Variants in SYNPR observed in about 807,000 individuals in gnomAD.
SYNPR encodes synaptoporin.
SYNPR carries 23 observed loss-of-function variants against 32.9 expected under a neutral mutation model. The ratio of observed to expected loss-of-function variants is 0.70; its 90% CI spans 0.50 to 0.99. SYNPR has a LOEUF of 0.99. SYNPR is among the 50% of genes least tolerant of loss of function. SYNPR has a pLI of 0.00. For missense variants in SYNPR, 318 were observed against 349.3 expected (o/e 0.91, Z 0.71); for synonymous variants, 146 against 135.9 (o/e 1.07, Z -0.52).
intron 2 of SYNPR, among the ~76,000 whole-genome samples, chr3:63,308,161 T>C (rs1031259542): frequency 2.0e-5 from 3 of 152,064 alleles, no homozygotes; most frequent in Non-Finnish European, 2.9e-5. Context: ...TATTTTTTGT[T>C]TGTTTGCTTT....
rs113036701 is a variant in SYNPR, at chr3:63,373,625, T to C, written c.84+94883T>C. On this transcript the variant is annotated intron_variant, in intron 2 of 5. Coordinates refer to ENST00000478300, the MANE Select transcript of SYNPR (RefSeq NM_001130003.2). ...GACTCATTGGTAACGTTGAAAGTGA[T>C]GGGAAGAAAGCAGGCAACTTGGAAA... Among the ~76,000 whole-genome samples the C allele has an allele frequency of 7.7e-3, 1,176 of 152,228 alleles. 17 individuals are homozygous for C. Among genetic ancestry groups the C allele is most frequent in the African/African-American group, 0.025 (1,052 of 41,542 alleles).
At chr3:63,211,176 C>A in the SYNPR span, among the ~76,000 whole-genome samples, 16 of 152,190 alleles carry the variant, frequency 1.1e-4, no homozygotes, top group Non-Finnish European at 1.9e-4. Flanking sequence ...TCAAGCAGTT[C>A]CCTGCCTCAG....
At chr3:63,418,395 G>A (rs1224017618) in intron 2 of SYNPR, among the ~76,000 whole-genome samples, 2 of 152,098 alleles carry the variant, frequency 1.3e-5, no homozygotes, top group African/African-American at 2.4e-5. Context: ...ACATTTTCCT[G>A]TGTTCTTCTG....
At chr3:63,424,202 G>C (rs1699853909) in intron 2 of SYNPR, among the ~76,000 whole-genome samples, 1 of 152,130 alleles carries the variant, frequency 6.6e-6, no homozygotes, top group Admixed American at 6.6e-5. Flanking sequence ...TGGGTGCAAG[G>C]TATATGGAAA....
intron 2 of SYNPR, among the ~76,000 whole-genome samples, chr3:63,354,819 A>G (rs574946978): frequency 6.6e-6 from 1 of 152,336 alleles, no homozygotes; most frequent in Non-Finnish European, 1.5e-5. Context: ...AGCCTGCTTT[A>G]TGAGCTACTG....
intron 2 of SYNPR, among the ~76,000 whole-genome samples, chr3:63,380,422 A>G (rs2087951327): frequency 6.6e-6 from 1 of 152,066 alleles, no homozygotes; most frequent in South Asian, 2.1e-4. Flanking sequence ...TTTGATTTGC[A>G]CTTCTCTGAT....
At chr3:63,345,918 G>C (rs1316692939) in intron 2 of SYNPR, among the ~76,000 whole-genome samples, 2 of 151,936 alleles carry the variant, frequency 1.3e-5, no homozygotes, top group African/African-American at 2.4e-5. Context: ...AAGTTCAAGC[G>C]ATTCCCCTGC....
intron 1 of SYNPR, among the ~76,000 whole-genome samples, chr3:63,248,078 G>C (rs1222802637): frequency 6.6e-6 from 1 of 152,098 alleles, no homozygotes; most frequent in East Asian, 1.9e-4. Flanking sequence ...GCACAGAGGG[G>C]CCTTGGGATT....
chr3:63,385,576 AACT>A (rs2088028678), intron 2 of SYNPR, among the ~76,000 whole-genome samples: 1 of 152,234 alleles, frequency 6.6e-6, no homozygotes, highest in Non-Finnish European at 1.5e-5. Flanking sequence ...GTTCTTTTGC[AACT>A]CTTCCCTTTG....
At chr3:63,350,615 A>G (rs756546146) in intron 2 of SYNPR, among the ~76,000 whole-genome samples, 1 of 152,252 alleles carries the variant, frequency 6.6e-6, no homozygotes, top group Non-Finnish European at 1.5e-5. Flanking sequence ...GGACTAGGCA[A>G]AAGTGTAAGT....
At chr3:63,416,695 C>T (rs1322696555) in intron 2 of SYNPR, among the ~76,000 whole-genome samples, 4 of 151,920 alleles carry the variant, frequency 2.6e-5, no homozygotes, top group Middle Eastern at 6.3e-3. Flanking sequence ...CTGGGGAGGC[C>T]TCAAAATTAT....
At position 63,494,104 on chromosome 3, in the gene SYNPR, A is replaced by T. The variant is rs1031514387; in HGVS notation, c.209+13148A>T. Among the ~76,000 whole-genome samples the T allele has an allele frequency of 2.0e-4, 30 of 151,908 alleles. No individual in the cohort carries two copies. The East Asian group carries it at 5.8e-3, about 29-fold the overall frequency. On this transcript the variant is annotated intron_variant, in intron 3 of 5. Transcript: ENST00000478300. ...TTTATTATACTTAACACAATAAAAA[A>T]TTTTTAGGTACCATAAAAAACAAAT...
intron 2 of SYNPR, among the ~76,000 whole-genome samples, chr3:63,422,578 T>C (rs1016818436): frequency 1.3e-5 from 2 of 152,204 alleles, no homozygotes; most frequent in South Asian, 2.1e-4. Context: ...TTGTTATACA[T>C]CAGTTATGCC....
intron 1 of SYNPR, among the ~76,000 whole-genome samples, chr3:63,234,692 A>G (rs1372864784): frequency 6.6e-6 from 1 of 152,208 alleles, no homozygotes; most frequent in African/African-American, 2.4e-5. Flanking sequence ...TTCAATATCT[A>G]TTGAAATGAA....
At chr3:63,396,905 C>A (rs1437272208) in intron 2 of SYNPR, among the ~76,000 whole-genome samples, 1 of 151,996 alleles carries the variant, frequency 6.6e-6, no homozygotes, top group Non-Finnish European at 1.5e-5. Context: ...GAGATCGAGA[C>A]CATGCTGGCT....
At chr3:63,408,379 AG>A (rs2088417210) in intron 2 of SYNPR, among the ~76,000 whole-genome samples, 1 of 150,432 alleles carries the variant, frequency 6.6e-6, no homozygotes, top group Admixed American at 6.6e-5. Context: ...AAAGAAAGAA[AG>A]AAAAGGAAGG....
intron 2 of SYNPR, among the ~76,000 whole-genome samples, chr3:63,434,701 C>G (rs1411663008): frequency 6.6e-6 from 1 of 152,288 alleles, no homozygotes; most frequent in East Asian, 1.9e-4. Context: ...TGGTTCCATA[C>G]CAGGCTTTAA....
chr3:63,319,040 C>A (rs570131999), intron 2 of SYNPR, among the ~76,000 whole-genome samples: 1 of 152,042 alleles, frequency 6.6e-6, no homozygotes, highest in Non-Finnish European at 1.5e-5. Context: ...CTGGGTCTAG[C>A]CACCCAGCGA....
intron 2 of SYNPR, among the ~76,000 whole-genome samples, chr3:63,434,893 T>C (rs550112186): frequency 2.6e-5 from 4 of 152,290 alleles, no homozygotes; most frequent in East Asian, 3.9e-4. Flanking sequence ...AGCAAAGACT[T>C]ATTTAGTGCC....
Sources: gnomAD v4.1 joint callset for allele counts (sites outside exome capture counted in the v4.1 genomes callset) on GRCh38, gnomAD v4.1.1 for gene constraint, MANE v1.5 for transcripts, NCBI Gene and HGNC (gene_info 2026-07-23, HGNC 2026-07-21) for gene names.